Variants in VRK2 observed in about 807,000 individuals in gnomAD.
VRK2 encodes serine/threonine-protein kinase VRK2.
Under a neutral mutation model 57.6 loss-of-function variants are expected in VRK2, and 60 were observed. The observed-to-expected ratio is 1.04, with a 90% CI of 0.85 to 1.29. The LOEUF (loss-of-function observed/expected upper bound fraction) is 1.29, where lower values mean the gene tolerates loss of function less well. Among genes scored for constraint, VRK2 ranks in the 50% most tolerant of loss-of-function variants. The probability of loss-of-function intolerance (pLI) is 0.00; values close to 1 mark genes in which losing one functional copy is unlikely to be tolerated. For missense variants in VRK2, 705 were observed against 588.1 expected (o/e 1.20, Z -2.06); for synonymous variants, 231 against 199.2 (o/e 1.16, Z -1.35).
chr2:58,113,490 G>C (rs984027040), intron 7 of VRK2, among the ~76,000 whole-genome samples: 1 of 152,112 alleles, frequency 6.6e-6, no homozygotes, highest in Non-Finnish European at 1.5e-5. Flanking sequence ...CAATATGGCT[G>C]TTTATTTCAC....
chr2:58,129,799 C>T (rs553625259), intron 8 of VRK2, among the ~76,000 whole-genome samples: 1 of 152,216 alleles, frequency 6.6e-6, no homozygotes, highest in East Asian at 1.9e-4. Context: ...TTTTTAGTCA[C>T]TCTTCAGTGT....
chr2:57,948,479 T>C (rs990787708), intron 1 of VRK2, among the ~76,000 whole-genome samples: 1 of 152,212 alleles, frequency 6.6e-6, no homozygotes, highest in Non-Finnish European at 1.5e-5. Context: ...TGCAGGCATG[T>C]ATATTTAGTT....
upstream of VRK2, among the ~76,000 whole-genome samples, chr2:58,044,143 G>T (rs1674578264): frequency 6.6e-6 from 1 of 151,840 alleles, no homozygotes; most frequent in Non-Finnish European, 1.5e-5. Flanking sequence ...TCTTTTTTTT[G>T]TATATATGGA....
chr2:57,951,172 G>T (rs1374345209), intron 1 of VRK2, among the ~76,000 whole-genome samples: 1 of 152,118 alleles, frequency 6.6e-6, no homozygotes, highest in African/African-American at 2.4e-5. Flanking sequence ...ATGAGTTTTA[G>T]AAAAAGTTGA....
At chr2:58,136,624 T>TC (rs1189581883) in intron 10 of VRK2, among the ~76,000 whole-genome samples, 1 of 151,042 alleles carries the variant, frequency 6.6e-6, no homozygotes, top group African/African-American at 2.4e-5. Flanking sequence ...GACCTCGTGA[T>TC]CCCCCCCACC....
chr2:57,964,757 G>A (rs535321959), intron 1 of VRK2, among the ~76,000 whole-genome samples: 10 of 151,658 alleles, frequency 6.6e-5, no homozygotes, highest in Non-Finnish European at 1.0e-4. Flanking sequence ...GTGGTGGCAC[G>A]CACCTGTAGG....
intron 1 of VRK2, among the ~76,000 whole-genome samples, chr2:57,910,779 T>C (rs1669963319): frequency 6.6e-6 from 1 of 152,124 alleles, no homozygotes; most frequent in South Asian, 2.1e-4. Flanking sequence ...CCAAAGCCAA[T>C]ACTACAGAAA....
Position 58,146,350 on chromosome 2 carries a change from A to G in VRK2, c.1058A>G (p.Asn353Ser). 3 of 1,611,232 alleles carry G rather than the reference A, an allele frequency of 1.9e-6. No homozygotes were observed. The highest frequency in any genetic ancestry group is 2.5e-6 in the Non-Finnish European group (3 of 1,178,058). ...DSQKAATKQVNKAHNRLIEKK... is the reference protein window; with the variant it reads ...DSQKAATKQVSKAHNRLIEKK... ...CAAAAGGCTGCAACAAAGCAAGTCA[A>G]CAAGGCACACAATAGGTTAATCGAA... Residue 353 changes from asparagine (N) to serine (S), a missense_variant, in exon 12 of 13, where the codon AAC becomes AGC. By Grantham distance (46) the Asn-to-Ser change is conservative. Coordinates refer to ENST00000340157, the MANE Select transcript of VRK2 (RefSeq NM_006296.7).
chr2:57,925,436 T>C (rs950633431), intron 1 of VRK2, among the ~76,000 whole-genome samples: 1 of 152,138 alleles, frequency 6.6e-6, no homozygotes, highest in African/African-American at 2.4e-5. Context: ...GTAGATTGTA[T>C]GTGTCTAGGC....
intron 1 of VRK2, among the ~76,000 whole-genome samples, chr2:58,024,280 G>C (rs781614191): frequency 2.0e-5 from 3 of 152,130 alleles, no homozygotes; most frequent in Non-Finnish European, 4.4e-5. Context: ...TCGGCCTTAG[G>C]TTTCACAACC....
rs774067966 is a variant in VRK2, at chr2:58,159,789, T to TA, written c.*98dup. The TA allele has an allele frequency of 1.2e-6, 2 of 1,612,964 alleles. No individual in the cohort carries two copies. The highest frequency in any genetic ancestry group is 2.7e-5 in the African/African-American group (2 of 75,018). On this transcript the variant is annotated 3_prime_UTR_variant, in exon 13 of 13. Transcript: ENST00000340157. ...TTCAGTGTTTCCTTCCAGACATTTT[T>TA]AAGGTAATTGGCTTTAAAAAGAGAA...
Position 57,978,261 on chromosome 2 carries a change from T to C in VRK2, c.-438-47404T>C, listed in dbSNP as rs539758671. Among the ~76,000 whole-genome samples, 4 of 151,282 alleles carry C rather than the reference T, an allele frequency of 2.6e-5. No homozygotes were observed. In the East Asian group the frequency reaches 7.7e-4, roughly 29 times the overall value. ...TAAAAAATTGAACATATCCAAAAAT[T>C]TGTTAATAAATAACCAGGTTACAGA... On this transcript the variant is annotated intron_variant, in intron 1 of 15. Transcript: ENST00000417641.
In VRK2 at chr2:58,121,521, C is replaced by T. The variant is rs572077290; in HGVS notation, c.544-1580C>T. ...CTGAGGCCATGTTAAGAAACAGCAT[C>T]TGTGGGAAAGAGAGACAAACTGAAA... On this transcript the variant is annotated intron_variant, in intron 7 of 12. Coordinates refer to ENST00000340157, the MANE Select transcript of VRK2 (RefSeq NM_006296.7). Among the ~76,000 whole-genome samples the T allele has an allele frequency of 4.5e-4, 68 of 152,242 alleles. 1 individual carries two copies. In the South Asian group the frequency reaches 0.013, roughly 30 times the overall value.
intron 1 of VRK2, among the ~76,000 whole-genome samples, chr2:57,968,574 C>T (rs903105878): frequency 2.0e-5 from 3 of 151,796 alleles, no homozygotes; most frequent in African/African-American, 7.3e-5. Flanking sequence ...ATTTTTATAC[C>T]CAAGCAAGCT....
intron 3 of VRK2, among the ~76,000 whole-genome samples, chr2:58,041,253 C>A (rs549208589): frequency 8.5e-5 from 13 of 152,226 alleles, no homozygotes; most frequent in Middle Eastern, 3.4e-3. Context: ...TGTTTGGCAG[C>A]AGGGTTCTAC....
intron 7 of VRK2, among the ~76,000 whole-genome samples, chr2:58,118,635 G>C (rs1299777399): frequency 6.6e-6 from 1 of 152,224 alleles, no homozygotes; most frequent in Non-Finnish European, 1.5e-5. Flanking sequence ...ATGGAGCAAA[G>C]AGCAGGAGGA....
chr2:57,999,093 G>A (rs1330875515), intron 1 of VRK2, among the ~76,000 whole-genome samples: 1 of 152,082 alleles, frequency 6.6e-6, no homozygotes, highest in East Asian at 1.9e-4. Context: ...GAACACTTGG[G>A]TTCATTTGGA....
At chr2:58,085,104 A>C (rs545417839) in intron 4 of VRK2, 154 bp downstream of exon 4, 1 of 230,514 alleles carries the variant, frequency 4.3e-6, no homozygotes, top group East Asian at 1.8e-4. Context: ...TATAAAAGCA[A>C]GACAGATGGT....
intron 3 of VRK2, among the ~76,000 whole-genome samples, chr2:58,084,340 T>C (rs1237698576): frequency 6.6e-6 from 1 of 151,872 alleles, no homozygotes; most frequent in Non-Finnish European, 1.5e-5. Flanking sequence ...GTGTGTTATC[T>C]ATCTAGCTAT....
Sources: allele counts gnomAD v4.1 joint callset (sites outside exome capture counted in the v4.1 genomes callset), GRCh38; gene constraint gnomAD v4.1.1; transcripts MANE v1.5; gene names NCBI Gene and HGNC (gene_info 2026-07-23, HGNC 2026-07-21).